The following ZNF385D variants were observed in gnomAD, a reference collection of about 807,000 sequenced individuals.
The protein encoded by ZNF385D is zinc finger protein 659.
ZNF385D carries 15 observed loss-of-function variants against 35.8 expected under a neutral mutation model. The observed-to-expected ratio is 0.42, with a 90% CI of 0.28 to 0.64. The LOEUF is 0.64. Among genes scored for constraint, ZNF385D ranks in the 30% least tolerant of loss-of-function variants. The pLI, the probability that ZNF385D is intolerant of heterozygous loss-of-function variation, is 0.23. For missense variants in ZNF385D, 474 were observed against 494.6 expected (o/e 0.96, Z 0.39); for synonymous variants, 212 against 186.8 (o/e 1.13, Z -1.10).
chr3:21,453,744 C>A (rs561871075), intron 4 of ZNF385D, among the ~76,000 whole-genome samples: 1 of 151,884 alleles, frequency 6.6e-6, no homozygotes, highest in Non-Finnish European at 1.5e-5. Context: ...AAATTGAAAT[C>A]TTTGTATGTT....
At chr3:21,541,328 A>G (rs2062170621) in intron 3 of ZNF385D, among the ~76,000 whole-genome samples, 1 of 152,178 alleles carries the variant, frequency 6.6e-6, no homozygotes, top group African/African-American at 2.4e-5. Flanking sequence ...GGTAAATGGG[A>G]AATCTCTGTA....
At chr3:22,114,884 A>C (rs1378301758) in intron 3 of ZNF385D, among the ~76,000 whole-genome samples, 1 of 152,058 alleles carries the variant, frequency 6.6e-6, no homozygotes, top group Non-Finnish European at 1.5e-5. Flanking sequence ...TTTACAGGGC[A>C]TCTGGCAGCC....
At chr3:21,757,031 A>C (rs1245512675) in intron 3 of ZNF385D, among the ~76,000 whole-genome samples, 1 of 151,916 alleles carries the variant, frequency 6.6e-6, no homozygotes, top group Non-Finnish European at 1.5e-5. Flanking sequence ...AAAAGTACTA[A>C]CATTGTGCTA....
chr3:21,688,838 G>C (rs577755387), intron 1 of ZNF385D, among the ~76,000 whole-genome samples: 2 of 152,042 alleles, frequency 1.3e-5, no homozygotes, highest in Non-Finnish European at 2.9e-5. Flanking sequence ...AATCAATTAA[G>C]AGCACAACAG....
intron 3 of ZNF385D, among the ~76,000 whole-genome samples, chr3:21,512,515 T>C (rs1707290105): frequency 1.3e-5 from 2 of 152,256 alleles, no homozygotes; most frequent in Non-Finnish European, 1.5e-5. Flanking sequence ...CATCTTCATT[T>C]GCATCATTCT....
chr3:22,178,942 A>G (rs1488553946), intron 2 of ZNF385D, among the ~76,000 whole-genome samples: 2 of 151,706 alleles, frequency 1.3e-5, no homozygotes, highest in South Asian at 2.1e-4. Flanking sequence ...CCATTGGTCT[A>G]TATCTCTGTT....
chr3:22,041,643 A>T (rs1396134790), intron 3 of ZNF385D, among the ~76,000 whole-genome samples: 1 of 152,138 alleles, frequency 6.6e-6, no homozygotes, highest in Non-Finnish European at 1.5e-5. Context: ...GAATTGATCA[A>T]TGTATATTGT....
intron 1 of ZNF385D, among the ~76,000 whole-genome samples, chr3:21,673,605 T>C (rs527251735): frequency 3.4e-4 from 51 of 152,238 alleles, no homozygotes; most frequent in African/African-American, 1.2e-3. Flanking sequence ...GAAATCATCG[T>C]CCATTTCTAG....
intron 4 of ZNF385D, among the ~76,000 whole-genome samples, chr3:21,503,259 T>C (rs1468565076): frequency 3.9e-5 from 6 of 152,212 alleles, no homozygotes; most frequent in African/African-American, 1.4e-4. Flanking sequence ...TATGTGTATA[T>C]TTGTATTCAT....
intron 3 of ZNF385D, among the ~76,000 whole-genome samples, chr3:21,520,371 T>A (rs1202261479): frequency 6.6e-6 from 1 of 152,228 alleles, no homozygotes; most frequent in Non-Finnish European, 1.5e-5. Context: ...TCTAAATAGT[T>A]GCCTATTAAA....
chr3:21,526,506 G>C (rs3843876), intron 3 of ZNF385D, among the ~76,000 whole-genome samples: 86,919 of 151,938 alleles, frequency 0.57, 25,294 homozygotes, highest in East Asian at 0.71. Flanking sequence ...TGCAAAAGTG[G>C]TGCAAGAAGA....
intron 2 of ZNF385D, among the ~76,000 whole-genome samples, chr3:22,234,831 C>T (rs1699087656): frequency 6.6e-6 from 1 of 151,852 alleles, no homozygotes; most frequent in Non-Finnish European, 1.5e-5. Context: ...TGTGAATGCT[C>T]AATAAAATAT....
Position 21,924,228 on chromosome 3 carries a change from AAT to A in ZNF385D, c.325+244587_325+244588del, listed in dbSNP as rs149102041. Among the ~76,000 whole-genome samples the A allele has an allele frequency of 1.0e-2, 1,523 of 152,316 alleles. 78 individuals carry two copies. Among genetic ancestry groups the A allele is most frequent in the Admixed American group, 0.089 (1,355 of 15,298 alleles). On this transcript the variant is annotated intron_variant, in intron 3 of 5. Coordinates refer to the ZNF385D transcript ENST00000494108. ...TCTGAAAACCCTGGACATTATATAT[AAT>A]ACAAACATAAAAACACTCTTAAAGG... is the stretch of plus-strand genomic sequence containing the variant.
intron 2 of ZNF385D, among the ~76,000 whole-genome samples, chr3:22,202,718 G>C (rs1266367348): frequency 6.6e-6 from 1 of 152,120 alleles, no homozygotes; most frequent in Non-Finnish European, 1.5e-5. Flanking sequence ...GCAGATGCAG[G>C]ATATGGACAG....
intron 3 of ZNF385D, among the ~76,000 whole-genome samples, chr3:22,067,900 G>A (rs2086353): frequency 0.13 from 19,678 of 151,846 alleles, 1,582 homozygotes; most frequent in Middle Eastern, 0.22. Flanking sequence ...CACACCTGTA[G>A]CACTTGGGAG....
At position 21,433,229 on chromosome 3, in the gene ZNF385D, G is replaced by T. The variant is rs368997646; in HGVS notation, c.673+3741C>A. Among the ~76,000 whole-genome samples, 4 of 152,120 alleles carry T rather than the reference G, an allele frequency of 2.6e-5. No homozygotes were observed. The South Asian group carries it at 8.3e-4, about 31-fold the overall frequency. On this transcript the variant is annotated intron_variant, in intron 5 of 7. Coordinates refer to ENST00000281523, the MANE Select transcript of ZNF385D (RefSeq NM_024697.3). ...GTTGCATTCCCAAAATTTGGCTGTGGTCATTTGTTTAGAATTCAGAATGCA... is the reference window on the plus strand; with the variant it reads ...GTTGCATTCCCAAAATTTGGCTGTGTTCATTTGTTTAGAATTCAGAATGCA...
At chr3:21,813,075 G>GCAAAC (rs1179230995) in intron 3 of ZNF385D, among the ~76,000 whole-genome samples, 2 of 152,182 alleles carry the variant, frequency 1.3e-5, no homozygotes, top group African/African-American at 4.8e-5. Flanking sequence ...TGATACCCAG[G>GCAAAC]CAAACAGGGT....
chr3:22,200,131 G>C (rs1383692771), intron 2 of ZNF385D, among the ~76,000 whole-genome samples: 2 of 151,940 alleles, frequency 1.3e-5, no homozygotes, highest in Non-Finnish European at 2.9e-5. Context: ...TACAACACAG[G>C]GCCATAGGAT....
At chr3:21,495,011 T>G (rs545711991) in intron 4 of ZNF385D, among the ~76,000 whole-genome samples, 19 of 152,288 alleles carry the variant, frequency 1.2e-4, no homozygotes, top group African/African-American at 4.6e-4. Flanking sequence ...TTTTCTACCC[T>G]GGATTATATT....
Sources: gnomAD v4.1 joint callset for allele counts (sites outside exome capture counted in the v4.1 genomes callset) on GRCh38, gnomAD v4.1.1 for gene constraint, MANE v1.5 for transcripts, NCBI Gene and HGNC (gene_info 2026-07-23, HGNC 2026-07-21) for gene names.